Variants in ZNF578 observed in about 807,000 individuals in gnomAD.
The protein encoded by ZNF578 is Putative chemokine-related protein B42.
A neutral mutation model predicts 8.3 loss-of-function variants in ZNF578; 8 were observed. That is an observed-to-expected ratio of 0.96 (90% CI 0.56 to 1.74). The LOEUF is 1.74. Ranked by LOEUF, ZNF578 falls within the 40% of genes most tolerant of loss-of-function variation. ZNF578 has a pLI of 0.00. For missense variants in ZNF578, 726 were observed against 707.5 expected (o/e 1.03, Z -0.30); for synonymous variants, 206 against 232.2 (o/e 0.89, Z 1.03).
chr19:52,474,752 G>T, intron 2 of ZNF578: 1 of 198,754 alleles, frequency 5.0e-6, no homozygotes. Flanking sequence ...TGAATTACAA[G>T]ATGGGCAGTG....
In ZNF578 at chr19:52,516,658, TTGTA is replaced by T. The variant is rs2059477647; in HGVS notation, c.*4505_*4508del. On this transcript the variant is annotated 3_prime_UTR_variant, in exon 6 of 6. Transcript: ENST00000421239. The stretch of plus-strand genomic sequence containing the variant: ...CACCATCTTGACTGATCAATGTGCT[TTGTA>T]ATCTCCCCCACCCTTCAGAAGGCTC... 6.6e-6 allele frequency among the ~76,000 whole-genome samples: 1 copy of T among 152,168 alleles called. No individual in the cohort carries two copies. Among genetic ancestry groups the T allele is most frequent in the Non-Finnish European group, 1.5e-5 (1 of 68,042 alleles).
chr19:52,456,517 G>T (rs895078762), intron 1 of ZNF578: 8 of 152,464 alleles, frequency 5.2e-5, no homozygotes, highest in African/African-American at 1.7e-4. Context: ...ACAGAGAGGG[G>T]AGAGGCTGTG....
intron 2 of ZNF578, among the ~76,000 whole-genome samples, chr19:52,486,253 GCT>G (rs2059345167): frequency 6.6e-6 from 1 of 152,092 alleles, no homozygotes; most frequent in Non-Finnish European, 1.5e-5. Flanking sequence ...AAGTTTTCCT[GCT>G]GACCCTTCCC....
rs1357899405 is a variant in ZNF578, at chr19:52,512,913, A to T, written c.*759A>T. Reference sequence around the variant, plus strand: ...AAGAGGATTGGGCCAGGTGCAGTGGATCACGCCTGTAATCCCAGCACATTG... The same window carrying T: ...AAGAGGATTGGGCCAGGTGCAGTGGTTCACGCCTGTAATCCCAGCACATTG... On this transcript the variant is annotated 3_prime_UTR_variant, in exon 6 of 6. Coordinates refer to ENST00000421239, the MANE Select transcript of ZNF578 (RefSeq NM_001099694.2). Among the ~76,000 whole-genome samples the T allele has an allele frequency of 6.6e-6, 1 of 152,184 alleles. No individual in the cohort carries two copies. Among genetic ancestry groups the T allele is most frequent in the Non-Finnish European group, 1.5e-5 (1 of 68,040 alleles).
chr19:52,459,769 ATTTTTTTTTTTTT>A (rs1164629700), intron 2 of ZNF578, among the ~76,000 whole-genome samples: 1 of 17,620 alleles, frequency 5.7e-5, no homozygotes, highest in East Asian at 2.5e-3. Context: ...ATATATATAT[ATTTTTTTTTTTTT>A]TTTTTTTTTT....
chr19:52,474,391 T>C, intron 2 of ZNF578: 1 of 295,042 alleles, frequency 3.4e-6, no homozygotes, highest in Non-Finnish European at 7.0e-6. Context: ...CCTTGTAACA[T>C]TCATTACATT....
chr19:52,482,481 T>C (rs1490045477), intron 2 of ZNF578, among the ~76,000 whole-genome samples: 1 of 151,670 alleles, frequency 6.6e-6, no homozygotes, highest in African/African-American at 2.4e-5. Flanking sequence ...ACTAAAAAAA[T>C]ACAAAACTTA....
intron 5 of ZNF578, among the ~76,000 whole-genome samples, chr19:52,505,098 G>T (rs186757244): frequency 1.1e-4 from 17 of 152,232 alleles, no homozygotes; most frequent in Middle Eastern, 6.8e-3. Flanking sequence ...TGTTGGTCAG[G>T]CTCGTCTCTA....
At chr19:52,477,652 A>T (rs1412766037) in intron 2 of ZNF578, among the ~76,000 whole-genome samples, 4 of 150,774 alleles carry the variant, frequency 2.7e-5, no homozygotes, top group Non-Finnish European at 4.4e-5. Flanking sequence ...TAGACTTATC[A>T]ACTGCCAAAT....
intron 2 of ZNF578, among the ~76,000 whole-genome samples, chr19:52,482,365 C>A (rs903606734): frequency 2.0e-5 from 3 of 151,398 alleles, no homozygotes; most frequent in African/African-American, 7.3e-5. Context: ...CATCAGGACG[C>A]GGTGGCTCAC....
chr19:52,496,325 G>GTTATTTATTTCTTTATTTAT (rs2059386201), intron 3 of ZNF578, among the ~76,000 whole-genome samples: 1 of 146,102 alleles, frequency 6.8e-6, no homozygotes, highest in Admixed American at 6.9e-5. Flanking sequence ...CTCATTTGTT[G>GTTATTTATTTCTTTATTTAT]TTATTTATTT....
intron 2 of ZNF578, among the ~76,000 whole-genome samples, chr19:52,479,014 A>G (rs1325576320): frequency 4.0e-5 from 6 of 151,084 alleles, no homozygotes; most frequent in South Asian, 2.1e-4. Context: ...GCGCCCGGCT[A>G]TTGATGAGCC....
chr19:52,454,239 C>T (rs2061355), intron 1 of ZNF578: 1 of 152,198 alleles, frequency 6.6e-6, no homozygotes, highest in Non-Finnish European at 1.5e-5. Context: ...AAACTCAACA[C>T]GGTAGTAAAC....
At chr19:52,485,069 G>A (rs2059340260) in intron 2 of ZNF578, among the ~76,000 whole-genome samples, 1 of 151,890 alleles carries the variant, frequency 6.6e-6, no homozygotes, top group Non-Finnish European at 1.5e-5. Context: ...AATGGAAGGC[G>A]AGTCTGGTTT....
rs1419056186 is a variant in ZNF578, at chr19:52,504,653, A to G, written c.64-2A>G. 1 of 1,613,902 alleles carries G rather than the reference A, an allele frequency of 6.2e-7. No individual in the cohort carries two copies. The highest frequency in any genetic ancestry group is 1.7e-4 in the Middle Eastern group (1 of 6,060). Reference sequence around the variant, plus strand: ...TTTGTTGAAATGTGTGTTTCATTTTAGGGACGCTTGACTTTCAGGGATGTG... The same window carrying G: ...TTTGTTGAAATGTGTGTTTCATTTTGGGGACGCTTGACTTTCAGGGATGTG... On this transcript the variant is annotated splice_acceptor_variant, in intron 4 of 5. Coordinates refer to ENST00000421239, the MANE Select transcript of ZNF578 (RefSeq NM_001099694.2). LOFTEE classifies it high-confidence loss of function.
intron 2 of ZNF578, among the ~76,000 whole-genome samples, chr19:52,476,106 G>GT (rs199992497): frequency 0.022 from 3,148 of 143,372 alleles, 34 homozygotes; most frequent in Non-Finnish European, 0.034. Context: ...TAAGGGTATA[G>GT]TAAAAAAAAA....
chr19:52,506,571 A>G (rs927763431), intron 5 of ZNF578, among the ~76,000 whole-genome samples: 9 of 150,250 alleles, frequency 6.0e-5, no homozygotes, highest in African/African-American at 2.2e-4. Flanking sequence ...AGGTCAGGCA[A>G]TCTCCTACCT....
intron 5 of ZNF578, among the ~76,000 whole-genome samples, chr19:52,508,963 A>G (rs1292045892): frequency 1.6e-5 from 2 of 126,420 alleles, no homozygotes; most frequent in Non-Finnish European, 3.1e-5. Flanking sequence ...GTGCAATGGC[A>G]CGATCTCGGC....
intron 2 of ZNF578, among the ~76,000 whole-genome samples, chr19:52,470,527 T>C (rs771613849): frequency 1.2e-4 from 19 of 152,276 alleles, no homozygotes; most frequent in Middle Eastern, 3.4e-3. Flanking sequence ...TTTCTGGATA[T>C]GTCAGTGAGT....
Sources: gnomAD v4.1 joint callset for allele counts (sites outside exome capture counted in the v4.1 genomes callset) on GRCh38, gnomAD v4.1.1 for gene constraint, MANE v1.5 for transcripts, NCBI Gene and HGNC (gene_info 2026-07-23, HGNC 2026-07-21) for gene names.